CES5A: variants seen among roughly 807,000 people sequenced by gnomAD.
The protein encoded by CES5A is carboxylesterase 5.
CES5A carries 67 observed loss-of-function variants against 62.9 expected under a neutral mutation model. That is an observed-to-expected ratio of 1.07 (90% CI 0.88 to 1.31). CES5A has a LOEUF of 1.31. Ranked by LOEUF, CES5A falls within the 50% of genes most tolerant of loss-of-function variation. The probability of loss-of-function intolerance (pLI) is 0.00; values close to 1 mark genes in which losing one functional copy is unlikely to be tolerated. For synonymous variants in CES5A, 296 were observed against 280.8 expected (o/e 1.05, Z -0.54); for missense variants, 748 against 708.5 (o/e 1.06, Z -0.63).
At chr16:55,897,028 C>G (rs1290354700) in intron 1 of CES5A, among the ~76,000 whole-genome samples, 1 of 152,120 alleles carries the variant, frequency 6.6e-6, no homozygotes, top group African/African-American at 2.4e-5. Flanking sequence ...ATTTCTGCAC[C>G]CCTAAACTAA....
rs75316878 is a variant in CES5A at position 55,948,155 on chromosome 16, G to A, written c.160+1630C>T. On this transcript the variant is annotated intron_variant, in intron 2 of 13. Transcript: ENST00000521992. ...AGGTTGAGGACGTGCCTGGGATAAA[G>A]AGACACAAGCCACAATAGGATCTGT... Among the ~76,000 whole-genome samples the A allele has an allele frequency of 4.3e-3, 651 of 152,268 alleles. 15 individuals carry two copies. The East Asian group carries it at 0.046, about 11-fold the overall frequency.
intron 6 of CES5A, 65 bp downstream of exon 6, chr16:55,863,283 G>A (rs1466463137): frequency 4.5e-6 from 4 of 890,506 alleles, no homozygotes; most frequent in African/African-American, 1.6e-5. Flanking sequence ...TGGTGAGAAG[G>A]TGCCTGACCA....
At chr16:55,896,955 G>A (rs1161057424) in intron 1 of CES5A, among the ~76,000 whole-genome samples, 1 of 152,180 alleles carries the variant, frequency 6.6e-6, no homozygotes, top group African/African-American at 2.4e-5. Flanking sequence ...GAGGAGAGTA[G>A]TGTTTGTCCT....
rs114767115 is a variant in CES5A, at chr16:55,846,331, C to T, written c.*120G>A. On this transcript the variant is annotated 3_prime_UTR_variant, in exon 13 of 13. Transcript: ENST00000290567. The stretch of plus-strand genomic sequence containing the variant: ...CATTCCTAAGTCCATAAAATATCAG[C>T]GAAAGCAGCTTGTTTTGCAAGGATC... 2.3e-3 allele frequency: 1,715 copies of T among 738,590 alleles called. 18 individuals carry two copies. In the African/African-American group the frequency reaches 0.028, roughly 12 times the overall value. The allele number at this position is 738,590 out of a possible 1,614,324, so 45.8% of individuals were successfully genotyped here.
At chr16:55,892,111 A>G (rs895900144) in intron 1 of CES5A, among the ~76,000 whole-genome samples, 5 of 152,202 alleles carry the variant, frequency 3.3e-5, no homozygotes, top group Non-Finnish European at 7.3e-5. Flanking sequence ...AGCCACTATG[A>G]GACTTCAAAA....
At chr16:55,905,057 G>C (rs1407966460) in intron 1 of CES5A, among the ~76,000 whole-genome samples, 2 of 152,132 alleles carry the variant, frequency 1.3e-5, no homozygotes, top group African/African-American at 4.8e-5. Context: ...CATGCAAGTG[G>C]AGGCACATGG....
At chr16:55,867,979 G>A (rs2033498617) in intron 4 of CES5A, among the ~76,000 whole-genome samples, 2 of 152,168 alleles carry the variant, frequency 1.3e-5, no homozygotes, top group Admixed American at 1.3e-4. Context: ...CCCTGGCTCA[G>A]CCTCCACTCT....
At chr16:55,954,600 A>G (rs2034589857) in intron 1 of CES5A, among the ~76,000 whole-genome samples, 1 of 152,144 alleles carries the variant, frequency 6.6e-6, no homozygotes, top group Non-Finnish European at 1.5e-5. Context: ...CACCATCTCA[A>G]GGAAAATGTC....
chr16:55,856,594 T>G, intron 8 of CES5A, 149 bp from the exon 9 acceptor site: 1 of 651,878 alleles, frequency 1.5e-6, no homozygotes, highest in Middle Eastern at 2.6e-4. Flanking sequence ...GGCCTCAGTG[T>G]GCTTGTCAGA....
chr16:55,872,690 T>C (rs1567334732), intron 2 of CES5A, among the ~76,000 whole-genome samples: 2 of 152,188 alleles, frequency 1.3e-5, no homozygotes, highest in Non-Finnish European at 2.9e-5. Flanking sequence ...TGCCCCTTTG[T>C]ATGTTGTTGA....
chr16:55,955,573 G>A (rs1359453634), intron 1 of CES5A, among the ~76,000 whole-genome samples: 3 of 152,286 alleles, frequency 2.0e-5, no homozygotes, highest in African/African-American at 4.8e-5. Flanking sequence ...GCCACATGCC[G>A]CATGGAGGAA....
chr16:55,918,150 T>C (rs756447838), intron 1 of CES5A, among the ~76,000 whole-genome samples: 2 of 152,108 alleles, frequency 1.3e-5, no homozygotes, highest in Non-Finnish European at 2.9e-5. Flanking sequence ...CTATTTTGTG[T>C]CCAGCTTGTC....
At chr16:55,906,691 C>G (rs2034043144) in intron 1 of CES5A, among the ~76,000 whole-genome samples, 1 of 152,154 alleles carries the variant, frequency 6.6e-6, no homozygotes, top group South Asian at 2.1e-4. Flanking sequence ...GAGGGGCTTC[C>G]CAGGGGAGCT....
intron 1 of CES5A, among the ~76,000 whole-genome samples, chr16:55,911,241 G>C (rs1318741017): frequency 6.6e-6 from 1 of 152,182 alleles, no homozygotes; most frequent in East Asian, 1.9e-4. Context: ...CCCGCTTACA[G>C]ACAGGAAAAC....
chr16:55,940,811 A>C (rs1484941433), intron 2 of CES5A, among the ~76,000 whole-genome samples: 6 of 151,948 alleles, frequency 3.9e-5, no homozygotes, highest in African/African-American at 7.2e-5. Flanking sequence ...ATACACAACC[A>C]AGTGGAATTT....
intron 1 of CES5A, among the ~76,000 whole-genome samples, chr16:55,908,437 C>T (rs143392700): frequency 6.6e-5 from 10 of 152,138 alleles, no homozygotes; most frequent in South Asian, 6.2e-4. Context: ...CTTGGCTCAC[C>T]GCAACCTCCA....
intron 4 of CES5A, among the ~76,000 whole-genome samples, chr16:55,866,891 C>A (rs2033477189): frequency 6.6e-6 from 1 of 151,954 alleles, no homozygotes; most frequent in Non-Finnish European, 1.5e-5. Context: ...ATAACAGCAG[C>A]TGCAGCATGT....
At chr16:55,913,381 C>T (rs1036988237) in intron 1 of CES5A, among the ~76,000 whole-genome samples, 1 of 152,154 alleles carries the variant, frequency 6.6e-6, no homozygotes, top group African/African-American at 2.4e-5. Context: ...GTAGTGATGT[C>T]ATCCCCAGGA....
At chr16:55,871,801 A>G in intron 2 of CES5A, 38 bp from the exon 3 acceptor site, 5 of 1,608,960 alleles carry the variant, frequency 3.1e-6, no homozygotes, top group Non-Finnish European at 3.4e-6. Flanking sequence ...AGAAAAAGTT[A>G]TCAGCAAACT....
Sources: gnomAD v4.1 joint callset for allele counts (sites outside exome capture counted in the v4.1 genomes callset) on GRCh38, gnomAD v4.1.1 for gene constraint, MANE v1.5 for transcripts, NCBI Gene and HGNC (gene_info 2026-07-23, HGNC 2026-07-21) for gene names.